HMCN1: variants seen among roughly 807,000 people sequenced by gnomAD.
HMCN1 encodes the protein hemicentin-1.
Under a neutral mutation model 625.9 loss-of-function variants are expected in HMCN1, and 321 were observed. That is an observed-to-expected ratio of 0.51 (90% CI 0.47 to 0.56). The LOEUF is 0.56. HMCN1 is among the 20% of genes least tolerant of loss of function. The probability of loss-of-function intolerance (pLI) is 0.00; values close to 1 mark genes in which losing one functional copy is unlikely to be tolerated. For missense variants in HMCN1, 6,588 were observed against 6,887.3 expected (o/e 0.96, Z 1.54); for synonymous variants, 2,425 against 2,417.6 (o/e 1.00, Z -0.09).
chr1:186,047,386 A>C (rs184942875), intron 41 of HMCN1, among the ~76,000 whole-genome samples: 149 of 152,306 alleles, frequency 9.8e-4, no homozygotes, highest in African/African-American at 3.4e-3. Context: ...AATTGCATGA[A>C]TGCAAATCTC....
At chr1:186,077,690 G>A (rs1292036360) in intron 54 of HMCN1, among the ~76,000 whole-genome samples, 1 of 152,148 alleles carries the variant, frequency 6.6e-6, no homozygotes, top group Non-Finnish European at 1.5e-5. Flanking sequence ...AAGAATGTAT[G>A]TAAAATAGTA....
chr1:185,823,399 TAAAA>T (rs890117898), intron 1 of HMCN1, among the ~76,000 whole-genome samples: 1 of 152,158 alleles, frequency 6.6e-6, no homozygotes, highest in Non-Finnish European at 1.5e-5. Flanking sequence ...AGGCAACATA[TAAAA>T]AAATTGTTCT....
chr1:186,152,456 C>T (rs556410894), intron 95 of HMCN1, among the ~76,000 whole-genome samples: 3 of 152,326 alleles, frequency 2.0e-5, no homozygotes, highest in Admixed American at 6.5e-5. Context: ...TTGCCAGTCA[C>T]AGACAATTCA....
At chr1:185,783,835 A>C (rs148214531) in intron 1 of HMCN1, among the ~76,000 whole-genome samples, 2 of 152,122 alleles carry the variant, frequency 1.3e-5, no homozygotes, top group South Asian at 4.1e-4. Context: ...TCAGATCTCA[A>C]ACTCCATGCT....
intron 100 of HMCN1, among the ~76,000 whole-genome samples, chr1:186,171,079 C>T (rs1009715146): frequency 6.6e-6 from 1 of 152,156 alleles, no homozygotes; most frequent in African/African-American, 2.4e-5. Context: ...TGGCAAAATA[C>T]TTAAAGTAGA....
chr1:186,081,465 T>C, intron 56 of HMCN1, 71 bp downstream of exon 56: 1 of 1,098,624 alleles, frequency 9.1e-7, no homozygotes, highest in South Asian at 1.3e-5. Context: ...TGTTTTTGAC[T>C]TTTAAAAATA....
rs1286941783 is a variant in HMCN1, at chr1:185,989,664, G to T, written c.3208+17G>T. 6.2e-7 allele frequency: 1 copy of T among 1,613,202 alleles called. No homozygotes were observed. Among genetic ancestry groups the T allele is most frequent in the South Asian group, 1.1e-5 (1 of 90,998 alleles). The stretch of plus-strand genomic sequence containing the variant: ...CAGTCTATGGTGAGAGCTGGTGGAG[G>T]AATGGTTTTTATTGACATTGTCTAT... On this transcript the variant is annotated intron_variant, in intron 21 of 106. Coordinates refer to ENST00000271588, the MANE Select transcript of HMCN1 (RefSeq NM_031935.3).
At chr1:185,955,058 T>C (rs1055419703) in intron 11 of HMCN1, among the ~76,000 whole-genome samples, 2 of 152,088 alleles carry the variant, frequency 1.3e-5, no homozygotes, top group African/African-American at 4.8e-5. Flanking sequence ...TATTTCTCTG[T>C]CTCTCATATC....
intron 4 of HMCN1, among the ~76,000 whole-genome samples, chr1:185,871,644 C>T (rs1663627811): frequency 6.6e-6 from 1 of 152,098 alleles, no homozygotes; most frequent in African/African-American, 2.4e-5. Flanking sequence ...GACAATTTTG[C>T]AACACATCCA....
Position 186,015,191 on chromosome 1 carries a change from A to C in HMCN1, c.4663A>C (p.Thr1555Pro). Reference sequence around the variant, plus strand: ...TAGTATTAAAGGAGGAAATGTCACCACAGACATATCAGTATTGATCAACAG... The same window carrying C: ...TAGTATTAAAGGAGGAAATGTCACCCCAGACATATCAGTATTGATCAACAG... The part of the protein sequence containing the change: ...PPSIKGGNVT[T>P]DISVLINSLI... Residue 1555 changes from threonine to proline, a missense_variant, in exon 31 of 107, where the codon ACA becomes CCA. Around this residue, in one of 3 missense-constraint regions of HMCN1, gnomAD observed 4,628 missense variants for 4,853.1 expected, o/e 0.95. Coordinates refer to ENST00000271588, the MANE Select transcript of HMCN1 (RefSeq NM_031935.3). 1 of 1,613,622 alleles carries C rather than the reference A, an allele frequency of 6.2e-7. No individual in the cohort carries two copies. The highest frequency in any genetic ancestry group is 8.5e-7 in the Non-Finnish European group (1 of 1,179,620).
At chr1:185,887,188 C>A (rs1455533844) in intron 4 of HMCN1, among the ~76,000 whole-genome samples, 1 of 152,100 alleles carries the variant, frequency 6.6e-6, no homozygotes, top group African/African-American at 2.4e-5. Context: ...GTAAGTAAGT[C>A]TGCAGTACTT....
intron 1 of HMCN1, among the ~76,000 whole-genome samples, chr1:185,820,766 A>G (rs1052744456): frequency 1.2e-4 from 19 of 152,128 alleles, no homozygotes; most frequent in African/African-American, 4.3e-4. Flanking sequence ...AACAATGTCA[A>G]TAGAATATGT....
chr1:186,064,973 G>A (rs1006662718), intron 48 of HMCN1, among the ~76,000 whole-genome samples: 21 of 151,774 alleles, frequency 1.4e-4, no homozygotes, highest in Non-Finnish European at 2.8e-4. Flanking sequence ...TAAACATGAA[G>A]GTCAATTTAG....
intron 105 of HMCN1, among the ~76,000 whole-genome samples, chr1:186,186,399 T>G (rs1409839534): frequency 1.3e-5 from 2 of 152,136 alleles, no homozygotes; most frequent in African/African-American, 4.8e-5. Flanking sequence ...TGGTGACGCA[T>G]GCCTGTAGTC....
At chr1:185,790,924 C>T (rs1430574754) in intron 1 of HMCN1, among the ~76,000 whole-genome samples, 4 of 152,246 alleles carry the variant, frequency 2.6e-5, no homozygotes, top group South Asian at 2.1e-4. Context: ...TAAGGTTAAG[C>T]ATACTTTATT....
At chr1:185,931,534 TGGCA>T (rs1667549024) in intron 10 of HMCN1, among the ~76,000 whole-genome samples, 2 of 152,134 alleles carry the variant, frequency 1.3e-5, no homozygotes, top group Non-Finnish European at 2.9e-5. Flanking sequence ...AGTAGAAAGT[TGGCA>T]TGTACTTATT....
chr1:185,941,579 A>G (rs75201925), intron 11 of HMCN1, among the ~76,000 whole-genome samples: 1 of 152,322 alleles, frequency 6.6e-6, no homozygotes, highest in African/African-American at 2.4e-5. Context: ...TCAATTGATA[A>G]CTAAATTAGA....
chr1:186,144,834 G>C, intron 91 of HMCN1, 131 bp downstream of exon 91: 1 of 1,089,300 alleles, frequency 9.2e-7, no homozygotes, highest in South Asian at 1.3e-5. Context: ...ATGTTGTAAG[G>C]TTGCTGTCAT....
chr1:185,738,732 T>C (rs1653771664), intron 1 of HMCN1, among the ~76,000 whole-genome samples: 1 of 152,234 alleles, frequency 6.6e-6, no homozygotes, highest in South Asian at 2.1e-4. Context: ...ACTATTATTA[T>C]TATTTGAAAA....
Sources: allele counts gnomAD v4.1 joint callset (sites outside exome capture counted in the v4.1 genomes callset), GRCh38; gene constraint gnomAD v4.1.1; regional missense constraint gnomAD v4.1.1; transcripts MANE v1.5; gene names NCBI Gene and HGNC (gene_info 2026-07-23, HGNC 2026-07-21).